The following CCDC68 variants were observed in gnomAD, a reference collection of about 807,000 sequenced individuals.
CCDC68 encodes coiled-coil domain-containing protein 68.
Under a neutral mutation model 47.1 loss-of-function variants are expected in CCDC68, and 45 were observed. The ratio of observed to expected loss-of-function variants is 0.96; its 90% CI spans 0.75 to 1.23. The LOEUF is 1.23. Among genes scored for constraint, CCDC68 ranks in the 50% most tolerant of loss-of-function variants. CCDC68 has a pLI of 0.00. For synonymous variants in CCDC68, 131 were observed against 129.5 expected, an observed-to-expected ratio of 1.01 and a Z score of -0.08; for missense variants, 353 against 373.6, an observed-to-expected ratio of 0.94 and a Z score of 0.45.
intron 10 of CCDC68, among the ~76,000 whole-genome samples, chr18:54,911,649 C>T (rs1300592671): frequency 1.8e-4 from 28 of 152,094 alleles, no homozygotes; most frequent in Admixed American, 1.8e-3. Flanking sequence ...AGGCCAAGCA[C>T]GTGCCTAGAA....
At position 54,918,010 on chromosome 18, in the gene CCDC68, A is replaced by C; in HGVS notation, c.790-14T>G. The C allele has an allele frequency of 2.5e-6, 3 of 1,202,952 alleles. No homozygotes were observed. Among genetic ancestry groups the C allele is most frequent in the Middle Eastern group, 2.1e-4 (1 of 4,804 alleles). 74.5% of individuals were successfully genotyped at this position (1,202,952 alleles called of 1,614,324 possible). The stretch of plus-strand genomic sequence containing the variant: ...TAATCCTTCCATCTAAGAATTAGAA[A>C]ACACAATAGGAAAAACCTTGTCAGA... On this transcript the variant is annotated splice_polypyrimidine_tract_variant and intron_variant, in intron 9 of 11. Coordinates refer to ENST00000591504, the MANE Select transcript of CCDC68 (RefSeq NM_025214.3).
chr18:54,957,006 T>A (rs888031844), intron 1 of CCDC68, among the ~76,000 whole-genome samples: 61 of 152,354 alleles, frequency 4.0e-4, no homozygotes, highest in African/African-American at 1.4e-3. Context: ...TGAATGTAAC[T>A]GTAGTCTTAT....
chr18:54,933,259 T>G (rs985393242), intron 7 of CCDC68, among the ~76,000 whole-genome samples: 1 of 152,068 alleles, frequency 6.6e-6, no homozygotes. Flanking sequence ...TTTTTGTATT[T>G]TTAGTAGAGA....
intron 6 of CCDC68, among the ~76,000 whole-genome samples, chr18:54,936,274 T>C (rs1298272139): frequency 6.9e-6 from 1 of 145,906 alleles, no homozygotes; most frequent in Non-Finnish European, 1.5e-5. Flanking sequence ...TATATAGTTA[T>C]ATATTTTTAA....
At chr18:54,947,818 G>T (rs977811188) in intron 1 of CCDC68, among the ~76,000 whole-genome samples, 9 of 152,140 alleles carry the variant, frequency 5.9e-5, no homozygotes, top group African/African-American at 2.2e-4. Flanking sequence ...AGGAAAAATT[G>T]CTTTGGGGGA....
At chr18:54,940,860 G>A in intron 4 of CCDC68, 137 bp downstream of exon 4, 2 of 612,742 alleles carry the variant, frequency 3.3e-6, no homozygotes, top group South Asian at 2.1e-5. Context: ...TCACACATAT[G>A]GCCATTAACG....
At position 54,941,061 on chromosome 18, in the gene CCDC68, A is replaced by T. The variant is rs200626679; in HGVS notation, c.140T>A (p.Ile47Asn). 8.7e-6 allele frequency: 14 copies of T among 1,612,558 alleles called. No homozygotes were observed. Among genetic ancestry groups the T allele is most frequent in the Admixed American group, 3.3e-5 (2 of 59,934 alleles). The change falls in exon 4 of 12, where the codon ATC (isoleucine) becomes AAC (asparagine). Residue 47 changes from isoleucine to asparagine, a missense_variant. By Grantham distance (149) the Ile-to-Asn change is moderately radical. Transcript: ENST00000591504. The part of the protein sequence containing the change: ...VKKIRTTLQK[I>N]RTQMFKDEIR... Reference sequence around the variant, plus strand: ...TTCATCTTTAAACATCTGGGTCCTGATCTTTTGCAGAGTAGTTCGAATCTA... The same window carrying T: ...TTCATCTTTAAACATCTGGGTCCTGTTCTTTTGCAGAGTAGTTCGAATCTA...
At chr18:54,934,569 G>C (rs1186338903) in intron 7 of CCDC68, among the ~76,000 whole-genome samples, 1 of 152,118 alleles carries the variant, frequency 6.6e-6, no homozygotes, top group Non-Finnish European at 1.5e-5. Flanking sequence ...TTCCTAGAAA[G>C]AGAAAGTGAC....
chr18:54,920,727 T>A (rs182012146), intron 8 of CCDC68, among the ~76,000 whole-genome samples: 14 of 152,292 alleles, frequency 9.2e-5, no homozygotes, highest in African/African-American at 3.4e-4. Context: ...GAAAAGGGAA[T>A]GCTTATACAC....
At chr18:54,906,469 A>G (rs1372895666) in intron 11 of CCDC68, among the ~76,000 whole-genome samples, 1 of 152,166 alleles carries the variant, frequency 6.6e-6, no homozygotes, top group Non-Finnish European at 1.5e-5. Flanking sequence ...CTCAGCATTC[A>G]ATACTAGAGT....
At chr18:54,928,095 C>T (rs759275981) in intron 8 of CCDC68, among the ~76,000 whole-genome samples, 148 of 152,052 alleles carry the variant, frequency 9.7e-4, no homozygotes, top group Admixed American at 1.8e-3. Context: ...ATAATTATAT[C>T]GGAACATACA....
In CCDC68 at chr18:54,934,914, T is replaced by A. The variant is rs775471172; in HGVS notation, c.506A>T (p.Gln169Leu). ...AACTTGATTCAGATTTTCAACATGT[T>A]GTTTCAATTTCTGTTCTTTTTCAAG... is the stretch of plus-strand genomic sequence containing the variant. The part of the protein sequence containing the change: ...NKLEKEQKLK[Q>L]HVENLNQVAE... The change falls in exon 7 of 12, where the codon CAA (glutamine) becomes CTA (leucine). Residue 169 changes from glutamine to leucine, a missense_variant. Transcript: ENST00000591504. 35 of 1,596,142 alleles carry A rather than the reference T, an allele frequency of 2.2e-5. 1 individual carries two copies. In the East Asian group the frequency reaches 6.9e-4, roughly 31 times the overall value.
chr18:54,940,570 G>T (rs1171209072), intron 4 of CCDC68, among the ~76,000 whole-genome samples: 1 of 152,166 alleles, frequency 6.6e-6, no homozygotes, highest in Non-Finnish European at 1.5e-5. Flanking sequence ...TCGACCTTAG[G>T]TATATACAGC....
At chr18:54,936,255 ATTTAAAAATATATAGTTATATATT>A (rs1461898749) in intron 6 of CCDC68, among the ~76,000 whole-genome samples, 1 of 145,152 alleles carries the variant, frequency 6.9e-6, no homozygotes, top group African/African-American at 2.5e-5. Context: ...AGTTATATAT[ATTTAAAAATATATAGTTATATATT>A]TTTAAATAAT....
At chr18:54,921,201 A>G (rs2044053761) in intron 8 of CCDC68, among the ~76,000 whole-genome samples, 1 of 152,132 alleles carries the variant, frequency 6.6e-6, no homozygotes, top group Non-Finnish European at 1.5e-5. Context: ...TTAGAGGGGG[A>G]AAGAATGGAG....
chr18:54,925,129 AATC>A (rs1340840355), intron 8 of CCDC68, among the ~76,000 whole-genome samples: 1 of 152,168 alleles, frequency 6.6e-6, no homozygotes, highest in African/African-American at 2.4e-5. Flanking sequence ...TCAGAAAACT[AATC>A]ATCATTTCCT....
chr18:54,923,154 G>A (rs1364551018), intron 8 of CCDC68, among the ~76,000 whole-genome samples: 1 of 152,128 alleles, frequency 6.6e-6, no homozygotes, highest in Admixed American at 6.5e-5. Context: ...TCAGACTCAG[G>A]ACTTTCCCAG....
chr18:54,953,998 T>TCTCC (rs1568166815), intron 1 of CCDC68, among the ~76,000 whole-genome samples: 3 of 9,704 alleles, frequency 3.1e-4, no homozygotes, highest in African/African-American at 1.1e-3. Flanking sequence ...CTCCCCTCCC[T>TCTCC]TCCCCTCCCC....
chr18:54,920,529 T>C (rs2044040142), intron 8 of CCDC68, among the ~76,000 whole-genome samples: 2 of 152,148 alleles, frequency 1.3e-5, no homozygotes, highest in Non-Finnish European at 2.9e-5. Flanking sequence ...CAGAAATTCA[T>C]AAAATACTAT....
Sources: allele counts gnomAD v4.1 joint callset (sites outside exome capture counted in the v4.1 genomes callset), GRCh38; gene constraint gnomAD v4.1.1; transcripts MANE v1.5; gene names NCBI Gene and HGNC (gene_info 2026-07-23, HGNC 2026-07-21).